Variants in APP observed in about 807,000 individuals in gnomAD.
APP encodes amyloid beta precursor protein.
In APP, 31 loss-of-function variants were observed where a neutral mutation model predicts 101.4. That is an observed-to-expected ratio of 0.31 (90% CI 0.23 to 0.41). The LOEUF is 0.41. Among genes scored for constraint, APP ranks in the 10% least tolerant of loss-of-function variants. The pLI, the probability that APP is intolerant of heterozygous loss-of-function variation, is 1.00. For synonymous variants in APP, 366 were observed against 364.4 expected (o/e 1.00, Z -0.05); for missense variants, 839 against 1,003.7 (o/e 0.84, Z 2.22).
In APP at chr21:25,954,773, G is replaced by A. The variant is rs1191901562; in HGVS notation, c.1588-84C>T. The A allele has an allele frequency of 6.7e-6, 8 of 1,195,470 alleles. No homozygotes were observed. In the Admixed American group the frequency reaches 1.2e-4, roughly 18 times the overall value. 74.1% of individuals were successfully genotyped at this position (1,195,470 alleles called of 1,614,324 possible). On this transcript the variant is annotated intron_variant, in intron 12 of 17. Transcript: ENST00000346798. Reference sequence around the variant, plus strand: ...TTCTTTCTTTTTTTCTTTTTTTTTTGAGACGGAGTCTCGCTCTGTCGCCCA... The same window carrying A: ...TTCTTTCTTTTTTTCTTTTTTTTTTAAGACGGAGTCTCGCTCTGTCGCCCA...
At chr21:26,072,140 T>C (rs1297779907) in intron 3 of APP, among the ~76,000 whole-genome samples, 3 of 152,232 alleles carry the variant, frequency 2.0e-5, no homozygotes, top group Non-Finnish European at 2.9e-5. Flanking sequence ...AGCCAACTGG[T>C]GTACCAAGTA....
intron 2 of APP, among the ~76,000 whole-genome samples, chr21:26,101,954 C>G (rs1187089723): frequency 6.6e-6 from 1 of 151,950 alleles, no homozygotes; most frequent in Non-Finnish European, 1.5e-5. Context: ...TAACAGTGCC[C>G]AATAAATATA....
chr21:26,013,052 C>T (rs1253523787), intron 6 of APP, among the ~76,000 whole-genome samples: 1 of 151,604 alleles, frequency 6.6e-6, no homozygotes, highest in Non-Finnish European at 1.5e-5. Context: ...TGCAGTGGCT[C>T]ACACCTGTAA....
At chr21:25,999,958 C>G in intron 7 of APP, 57 bp downstream of exon 7, 1 of 1,580,800 alleles carries the variant, frequency 6.3e-7, no homozygotes, top group Non-Finnish European at 8.6e-7. Flanking sequence ...TTACAAAAAG[C>G]AGAGTCAGTG....
chr21:26,093,377 G>A (rs1423516529), intron 2 of APP, among the ~76,000 whole-genome samples: 1 of 152,186 alleles, frequency 6.6e-6, no homozygotes, highest in Non-Finnish European at 1.5e-5. Context: ...CAACCCTGCT[G>A]AGAATTTCCT....
chr21:25,944,286 G>C (rs887556833), intron 13 of APP, among the ~76,000 whole-genome samples: 2 of 152,112 alleles, frequency 1.3e-5, no homozygotes, highest in Admixed American at 6.6e-5. Flanking sequence ...TTTCATGCTC[G>C]AAGTCCAAAG....
At chr21:26,004,136 T>C (rs887567105) in intron 6 of APP, among the ~76,000 whole-genome samples, 1 of 152,140 alleles carries the variant, frequency 6.6e-6, no homozygotes, top group Non-Finnish European at 1.5e-5. Flanking sequence ...ACACAAGAAA[T>C]GGCCAGTGCC....
intron 6 of APP, among the ~76,000 whole-genome samples, chr21:26,012,262 G>T (rs1044557737): frequency 4.6e-5 from 7 of 151,918 alleles, no homozygotes; most frequent in African/African-American, 1.7e-4. Flanking sequence ...GCTTCCCAAA[G>T]TGCTGGGATA....
intron 3 of APP, among the ~76,000 whole-genome samples, chr21:26,066,586 C>T (rs1311992317): frequency 6.6e-6 from 1 of 151,064 alleles, no homozygotes; most frequent in Non-Finnish European, 1.5e-5. Flanking sequence ...CAAAAAGGTA[C>T]CGCATATAAG....
chr21:25,925,138 A>T (rs1222124919), intron 13 of APP, among the ~76,000 whole-genome samples: 1 of 136,440 alleles, frequency 7.3e-6, no homozygotes, highest in East Asian at 2.2e-4. Context: ...GGGATGGACT[A>T]ATTTTCCCTA....
chr21:25,948,238 C>G (rs1382240921), intron 13 of APP, among the ~76,000 whole-genome samples: 2 of 150,574 alleles, frequency 1.3e-5, no homozygotes, highest in African/African-American at 4.9e-5. Context: ...CATTAAATTT[C>G]TATTTTGTTG....
chr21:26,010,816 G>A (rs1212185891), intron 6 of APP, among the ~76,000 whole-genome samples: 16 of 32,548 alleles, frequency 4.9e-4, no homozygotes, highest in East Asian at 3.1e-3. Flanking sequence ...GTGAGACTTC[G>A]TCTCAAAAAA....
At position 26,015,869 on chromosome 21, in the gene APP, A is replaced by G. The variant is rs186856748; in HGVS notation, c.865+5971T>C. On this transcript the variant is annotated intron_variant, in intron 6 of 17. Coordinates refer to ENST00000346798, the MANE Select transcript of APP (RefSeq NM_000484.4). ...AACACAATCTCTTTTGCGATCCTCA[A>G]CTCTACTTCCAAAACATGAAAACAT... Among the ~76,000 whole-genome samples, 266 of 152,296 alleles carry G rather than the reference A, an allele frequency of 1.7e-3. 2 individuals are homozygous for G. Among genetic ancestry groups the G allele is most frequent in the African/African-American group, 6.2e-3 (256 of 41,572 alleles).
chr21:26,000,316 A>G (rs1162112661), intron 6 of APP, 134 bp from the exon 7 acceptor site: 19 of 1,112,600 alleles, frequency 1.7e-5, no homozygotes, highest in Non-Finnish European at 2.4e-5. Flanking sequence ...TCTACCAAAC[A>G]TTTACTGAGG....
At chr21:25,994,561 A>G (rs1289619075) in intron 8 of APP, among the ~76,000 whole-genome samples, 1 of 152,186 alleles carries the variant, frequency 6.6e-6, no homozygotes, top group African/African-American at 2.4e-5. Context: ...CCTAAGTGTA[A>G]TCTTTTATCA....
chr21:25,985,636 T>C lies in APP; in HGVS notation c.1091-3159A>G, dbSNP rs115063747. 4.8e-3 allele frequency among the ~76,000 whole-genome samples: 734 copies of C among 152,208 alleles called. 5 individuals carry two copies. Among genetic ancestry groups the C allele is most frequent in the African/African-American group, 0.017 (700 of 41,534 alleles). On this transcript the variant is annotated intron_variant, in intron 8 of 17. Coordinates refer to ENST00000346798, the MANE Select transcript of APP (RefSeq NM_000484.4). ...AGATTGTGGGACTTAGCCTCCATAA[T>C]TGTTGTGTGAGTCAATTCTGCAGAA...
chr21:25,886,785 CTT>C (rs759575653), intron 17 of APP, among the ~76,000 whole-genome samples: 9 of 152,116 alleles, frequency 5.9e-5, no homozygotes, highest in Non-Finnish European at 2.9e-5. Flanking sequence ...CCCCCCCTCA[CTT>C]TTCCTTATCG....
chr21:26,054,631 T>TG (rs2045967694), intron 3 of APP, among the ~76,000 whole-genome samples: 2 of 143,326 alleles, frequency 1.4e-5, no homozygotes, highest in Non-Finnish European at 3.1e-5. Flanking sequence ...TTTTTTTTTT[T>TG]TTTTTTTTTT....
chr21:26,040,462 C>G (rs944951891), intron 5 of APP, among the ~76,000 whole-genome samples: 1 of 152,000 alleles, frequency 6.6e-6, no homozygotes, highest in Non-Finnish European at 1.5e-5. Context: ...ATTAGCCAGG[C>G]ATGGTGGTTG....
Sources: gnomAD v4.1 joint callset for allele counts (sites outside exome capture counted in the v4.1 genomes callset) on GRCh38, gnomAD v4.1.1 for gene constraint, MANE v1.5 for transcripts, NCBI Gene and HGNC (gene_info 2026-07-23, HGNC 2026-07-21) for gene names.